Variants in PLXNA4 observed in about 807,000 individuals in gnomAD.
PLXNA4 encodes the protein plexin A4.
A neutral mutation model predicts 191.8 loss-of-function variants in PLXNA4; 44 were observed. The observed-to-expected ratio is 0.23, with a 90% CI of 0.18 to 0.29. The LOEUF (loss-of-function observed/expected upper bound fraction) is 0.29. Ranked by LOEUF, PLXNA4 falls within the 10% of genes least tolerant of loss-of-function variation. The probability of loss-of-function intolerance (pLI) is 1.00; values close to 1 mark genes in which losing one functional copy is unlikely to be tolerated. For missense variants in PLXNA4, 1,800 were observed against 2,488.8 expected, an observed-to-expected ratio of 0.72 and a Z score of 5.89; for synonymous variants, 1,082 against 1,009.5, an observed-to-expected ratio of 1.07 and a Z score of -1.36.
chr7:132,412,262 C>CAT (rs1379549885), intron 3 of PLXNA4, among the ~76,000 whole-genome samples: 9 of 152,182 alleles, frequency 5.9e-5, no homozygotes, highest in African/African-American at 2.2e-4. Context: ...CATATCTCCC[C>CAT]CTCCAGACCT....
At position 132,334,252 on chromosome 7, in the gene PLXNA4, CTTT is replaced by C. The variant is rs71529758; in HGVS notation, c.1372-36033_1372-36031del. Among the ~76,000 whole-genome samples, 270 of 75,602 alleles carry C rather than the reference CTTT, an allele frequency of 3.6e-3. 1 individual carries two copies. The highest frequency in any genetic ancestry group is 0.035 in the East Asian group (104 of 2,932). 49.6% of individuals were successfully genotyped at this position (75,602 alleles called of 152,430 possible). A position where few individuals can be genotyped will look rare whatever the true frequency, so the allele number is the denominator to read the frequency against. On this transcript the variant is annotated intron_variant, in intron 3 of 31. Transcript: ENST00000321063. ...TTTCTTTTCTTTTCTTTCTTTCTTT[CTTT>C]TTTTTTTTTTTTTTTTTTTTGAGAT...
intron 3 of PLXNA4, among the ~76,000 whole-genome samples, chr7:132,442,707 G>A (rs1234541206): frequency 1.3e-5 from 2 of 152,170 alleles, no homozygotes; most frequent in African/African-American, 4.8e-5. Context: ...AACTGACCAA[G>A]ACAAAAAACA....
intron 3 of PLXNA4, among the ~76,000 whole-genome samples, chr7:132,365,146 C>T (rs1465058547): frequency 6.6e-6 from 1 of 152,166 alleles, no homozygotes; most frequent in Non-Finnish European, 1.5e-5. Flanking sequence ...AGGAAACAAA[C>T]TTAAGGGCTC....
chr7:132,591,092 T>C (rs1019608002), intron 2 of PLXNA4, among the ~76,000 whole-genome samples: 6 of 152,104 alleles, frequency 3.9e-5, no homozygotes, highest in African/African-American at 1.2e-4. Context: ...AAAAAGAGCA[T>C]CTGGAAAGGA....
At chr7:132,479,752 C>T (rs922340135) in intron 3 of PLXNA4, among the ~76,000 whole-genome samples, 7 of 152,110 alleles carry the variant, frequency 4.6e-5, no homozygotes, top group Non-Finnish European at 1.0e-4. Flanking sequence ...TGGGTTCAAG[C>T]GATTCTCCTG....
At chr7:132,182,660 G>A (rs1161293913) in intron 16 of PLXNA4, among the ~76,000 whole-genome samples, 1 of 152,160 alleles carries the variant, frequency 6.6e-6, no homozygotes, top group Non-Finnish European at 1.5e-5. Flanking sequence ...CTCCCCCAGG[G>A]CAATCGTTCT....
At chr7:132,326,564 A>G (rs1563037005) in intron 3 of PLXNA4, among the ~76,000 whole-genome samples, 1 of 151,900 alleles carries the variant, frequency 6.6e-6, no homozygotes, top group African/African-American at 2.4e-5. Flanking sequence ...CAGCCCCTGC[A>G]TCAGGGCTGC....
chr7:132,193,790 C>T (rs1461455061), intron 14 of PLXNA4, among the ~76,000 whole-genome samples: 1 of 152,230 alleles, frequency 6.6e-6, no homozygotes, highest in Non-Finnish European at 1.5e-5. Flanking sequence ...CACTGCCATG[C>T]ACCCACCTGG....
At chr7:132,410,978 G>A (rs1794434537) in intron 3 of PLXNA4, among the ~76,000 whole-genome samples, 1 of 152,146 alleles carries the variant, frequency 6.6e-6, no homozygotes, top group African/African-American at 2.4e-5. Context: ...AAAAAGTTCT[G>A]GTGCTTTGGC....
chr7:132,297,425 C>A (rs1440238808), intron 4 of PLXNA4, among the ~76,000 whole-genome samples: 1 of 152,150 alleles, frequency 6.6e-6, no homozygotes, highest in African/African-American at 2.4e-5. Context: ...TGACTCCTGG[C>A]CTGAGCTCAG....
At chr7:132,625,775 A>G (rs1479120973) in intron 2 of PLXNA4, among the ~76,000 whole-genome samples, 3 of 152,250 alleles carry the variant, frequency 2.0e-5, no homozygotes, top group Non-Finnish European at 2.9e-5. Flanking sequence ...GGAATGGTAG[A>G]TCAACAACAA....
intron 1 of PLXNA4, among the ~76,000 whole-genome samples, chr7:132,509,534 G>A (rs1045445878): frequency 6.6e-6 from 1 of 152,212 alleles, no homozygotes; most frequent in Non-Finnish European, 1.5e-5. Context: ...GCTTAGGGAA[G>A]TCATGTAACT....
chr7:132,214,234 G>A (rs1038045826), intron 9 of PLXNA4, among the ~76,000 whole-genome samples: 3 of 152,252 alleles, frequency 2.0e-5, no homozygotes, highest in South Asian at 4.2e-4. Context: ...GGGCTGGACT[G>A]TTCTTGTCCA....
intron 3 of PLXNA4, among the ~76,000 whole-genome samples, chr7:132,433,190 A>G (rs965880802): frequency 2.0e-5 from 3 of 152,174 alleles, no homozygotes; most frequent in East Asian, 1.9e-4. Flanking sequence ...ACTTGGGGGG[A>G]AAAATCAATA....
intron 9 of PLXNA4, among the ~76,000 whole-genome samples, chr7:132,220,869 GT>G (rs1402900361): frequency 7.2e-6 from 1 of 139,812 alleles, no homozygotes; most frequent in Non-Finnish European, 1.5e-5. Context: ...CTAGAGTGTA[GT>G]GGCTTGCTCA....
intron 3 of PLXNA4, chr7:132,383,569 T>G: frequency 2.0e-6 from 2 of 984,162 alleles, no homozygotes; most frequent in Non-Finnish European, 2.4e-6. Flanking sequence ...TTTCACTGAA[T>G]GTTATCACAC....
At position 132,528,805 on chromosome 7, in the gene PLXNA4, C is replaced by T. The variant is rs1799510096; in HGVS notation, c.-86-20026G>A. On this transcript the variant is annotated intron_variant, in intron 1 of 31. Transcript: ENST00000321063. Reference sequence around the variant, plus strand: ...TGATGCAGGGGAGCTGCTGAATGACCAGTTTTAGAGCCGCCCAACTTGGGT... The same window carrying T: ...TGATGCAGGGGAGCTGCTGAATGACTAGTTTTAGAGCCGCCCAACTTGGGT... 2.0e-5 allele frequency among the ~76,000 whole-genome samples: 3 copies of T among 152,168 alleles called. 1 individual carries two copies. The South Asian group carries it at 6.2e-4, about 32-fold the overall frequency.
intron 3 of PLXNA4, among the ~76,000 whole-genome samples, chr7:132,305,859 C>T (rs1467714472): frequency 6.6e-6 from 1 of 152,148 alleles, no homozygotes; most frequent in Non-Finnish European, 1.5e-5. Context: ...TTTCCTCTCT[C>T]CCTTCACATC....
At chr7:132,519,514 C>T (rs1327614440) in intron 1 of PLXNA4, among the ~76,000 whole-genome samples, 1 of 152,194 alleles carries the variant, frequency 6.6e-6, no homozygotes, top group African/African-American at 2.4e-5. Flanking sequence ...CTCCAGTAAT[C>T]CCTGTCTCGT....
Sources: allele counts gnomAD v4.1 joint callset (sites outside exome capture counted in the v4.1 genomes callset), GRCh38; gene constraint gnomAD v4.1.1; transcripts MANE v1.5; gene names NCBI Gene and HGNC (gene_info 2026-07-23, HGNC 2026-07-21).